Variants in CTNNA2 observed in about 807,000 individuals in gnomAD.
The protein encoded by CTNNA2 is catenin alpha-2.
Under a neutral mutation model 101.0 loss-of-function variants are expected in CTNNA2, and 42 were observed. That is an observed-to-expected ratio of 0.42 (90% CI 0.32 to 0.54). CTNNA2 has a LOEUF of 0.54. Ranked by LOEUF, CTNNA2 falls within the 20% of genes least tolerant of loss-of-function variation. The probability of loss-of-function intolerance (pLI) is 0.14; values close to 1 mark genes in which losing one functional copy is unlikely to be tolerated. For missense variants in CTNNA2, 871 were observed against 1,223.1 expected, an observed-to-expected ratio of 0.71 and a Z score of 4.29; for synonymous variants, 450 against 456.4, an observed-to-expected ratio of 0.99 and a Z score of 0.18.
intron 17 of CTNNA2, among the ~76,000 whole-genome samples, chr2:80,610,433 T>C (rs957284034): frequency 6.6e-6 from 1 of 151,666 alleles, no homozygotes; most frequent in African/African-American, 2.4e-5. Flanking sequence ...TCATGTGGCA[T>C]GGCAAAGTTG....
intron 14 of CTNNA2, among the ~76,000 whole-genome samples, chr2:80,584,806 T>C (rs11886172): frequency 0.073 from 11,035 of 152,136 alleles, 704 homozygotes; most frequent in African/African-American, 0.17. Flanking sequence ...ATTAAGTTGG[T>C]GGTAATGGTG....
At chr2:80,312,154 C>T (rs1289098759) in intron 7 of CTNNA2, among the ~76,000 whole-genome samples, 1 of 152,226 alleles carries the variant, frequency 6.6e-6, no homozygotes, top group East Asian at 1.9e-4. Flanking sequence ...GCAGTTTTTA[C>T]TTTCTTCAGA....
rs180942329 is a variant in CTNNA2 at position 80,468,487 on chromosome 2, C to T, written c.1290+48886C>T. Among the ~76,000 whole-genome samples, 391 of 152,184 alleles carry T rather than the reference C, an allele frequency of 2.6e-3. 3 individuals are homozygous for T. Among genetic ancestry groups the T allele is most frequent in the African/African-American group, 8.8e-3 (366 of 41,530 alleles). On this transcript the variant is annotated intron_variant, in intron 9 of 18. Coordinates refer to ENST00000402739, the MANE Select transcript of CTNNA2 (RefSeq NM_001282597.3). ...AGGCTAGAGAGCAGTGGTGCAATCTCGGCTCACTGCAACCTCCACCTCCCG... is the reference window on the plus strand; with the variant it reads ...AGGCTAGAGAGCAGTGGTGCAATCTTGGCTCACTGCAACCTCCACCTCCCG...
intron 3 of CTNNA2, among the ~76,000 whole-genome samples, chr2:79,846,860 TTTAA>T (rs751071882): frequency 3.3e-5 from 5 of 152,228 alleles, no homozygotes; most frequent in African/African-American, 4.8e-5. Context: ...TTGTGACTGT[TTTAA>T]TTGTTTTTAT....
At chr2:79,681,281 A>G (rs1683546064) in intron 2 of CTNNA2, among the ~76,000 whole-genome samples, 1 of 152,182 alleles carries the variant, frequency 6.6e-6, no homozygotes, top group South Asian at 2.1e-4. Context: ...CTTTGGAGGC[A>G]TTTCTTTTGA....
At chr2:80,550,261 C>T (rs58907097) in intron 11 of CTNNA2, among the ~76,000 whole-genome samples, 2 of 152,090 alleles carry the variant, frequency 1.3e-5, no homozygotes, top group African/African-American at 4.8e-5. Context: ...TACTTCATTT[C>T]TAAAAAATGC....
rs146886721 is a variant in CTNNA2, at chr2:79,936,506, G to C, written c.1056+26709G>C. ...ACCGGCATCCTCTGGCCCTTCGAGT[G>C]CCACCATCTAGTGGCTGTTTCTGGA... On this transcript the variant is annotated intron_variant, in intron 7 of 18. Transcript: ENST00000402739. Among the ~76,000 whole-genome samples, 12 of 150,920 alleles carry C rather than the reference G, an allele frequency of 8.0e-5. No homozygotes were observed. In the South Asian group the frequency reaches 2.5e-3, roughly 32 times the overall value.
At chr2:79,705,553 AC>A (rs1414169658) in intron 2 of CTNNA2, among the ~76,000 whole-genome samples, 4 of 152,110 alleles carry the variant, frequency 2.6e-5, no homozygotes, top group Non-Finnish European at 5.9e-5. Context: ...TTTTTCCAAA[AC>A]GACTGTACTG....
rs1269853572 is a variant in CTNNA2, at chr2:79,744,666, A to G, written c.298+84A>G. The G allele has an allele frequency of 4.6e-6, 6 of 1,299,510 alleles. No individual in the cohort carries two copies. The Admixed American group carries it at 1.7e-4, about 37-fold the overall frequency. The allele number at this position is 1,299,510 out of a possible 1,614,324, so 80.5% of individuals were successfully genotyped here. ...TTTTCTTTAGAATCAATGGATATTT[A>G]CTCAAAGAAGAAGTCTTACGTTTTT... On this transcript the variant is annotated intron_variant, in intron 3 of 18. Coordinates refer to ENST00000402739, the MANE Select transcript of CTNNA2 (RefSeq NM_001282597.3).
intron 7 of CTNNA2, among the ~76,000 whole-genome samples, chr2:79,921,041 A>C (rs1332192174): frequency 1.3e-5 from 2 of 152,182 alleles, no homozygotes; most frequent in Non-Finnish European, 2.9e-5. Flanking sequence ...AAGACACAAA[A>C]TAATTTGCAT....
intron 7 of CTNNA2, among the ~76,000 whole-genome samples, chr2:79,923,365 CTT>C (rs1686802285): frequency 6.6e-6 from 1 of 151,916 alleles, no homozygotes; most frequent in Admixed American, 6.6e-5. Context: ...AGAGATCTGA[CTT>C]TTGTTTTTTT....
At chr2:80,346,264 G>C (rs186802320) in intron 7 of CTNNA2, among the ~76,000 whole-genome samples, 14 of 152,200 alleles carry the variant, frequency 9.2e-5, no homozygotes, top group Non-Finnish European at 1.6e-4. Flanking sequence ...TCTGCAGGCT[G>C]TACAGGAAGC....
chr2:80,213,209 C>T (rs1272529127), intron 7 of CTNNA2, among the ~76,000 whole-genome samples: 3 of 151,578 alleles, frequency 2.0e-5, no homozygotes, highest in African/African-American at 7.3e-5. Flanking sequence ...GTGTCTCTAT[C>T]TCCTTCACTT....
At chr2:79,777,638 A>G (rs1573942508) in intron 3 of CTNNA2, among the ~76,000 whole-genome samples, 1 of 152,184 alleles carries the variant, frequency 6.6e-6, no homozygotes, top group East Asian at 1.9e-4. Context: ...ATGTTTGAGC[A>G]TAAGATATGG....
intron 3 of CTNNA2, among the ~76,000 whole-genome samples, chr2:79,847,563 A>AAAG (rs1680332935): frequency 6.7e-6 from 1 of 149,056 alleles, no homozygotes; most frequent in African/African-American, 2.5e-5. Context: ...AAAAAAAAAA[A>AAAG]AAAAAAAAAG....
chr2:80,179,357 T>G (rs1705607771), intron 7 of CTNNA2, among the ~76,000 whole-genome samples: 1 of 152,156 alleles, frequency 6.6e-6, no homozygotes, highest in Non-Finnish European at 1.5e-5. Context: ...CACCTCCATG[T>G]CTTTCAAGTT....
intron 2 of CTNNA2, among the ~76,000 whole-genome samples, chr2:79,229,160 A>G (rs955408054): frequency 6.6e-6 from 1 of 152,186 alleles, no homozygotes. Flanking sequence ...CTGTAAACTT[A>G]TAGTATAATT....
intron 7 of CTNNA2, among the ~76,000 whole-genome samples, chr2:80,388,981 C>A (rs1458351263): frequency 1.3e-5 from 2 of 152,170 alleles, no homozygotes; most frequent in Non-Finnish European, 2.9e-5. Context: ...AGAAATATCT[C>A]AGACTAGTTG....
intron 11 of CTNNA2, among the ~76,000 whole-genome samples, chr2:80,552,033 T>A (rs1428301673): frequency 1.3e-5 from 2 of 152,026 alleles, no homozygotes; most frequent in African/African-American, 4.8e-5. Context: ...ATAAGAAGCT[T>A]GAGAAGAGGG....
Sources: allele counts gnomAD v4.1 joint callset (sites outside exome capture counted in the v4.1 genomes callset), GRCh38; gene constraint gnomAD v4.1.1; transcripts MANE v1.5; gene names NCBI Gene and HGNC (gene_info 2026-07-23, HGNC 2026-07-21).